ANKRD22: variants seen among roughly 807,000 people sequenced by gnomAD.
ANKRD22 encodes the protein ankyrin repeat domain-containing protein 22.
Under a neutral mutation model 25.7 loss-of-function variants are expected in ANKRD22, and 24 were observed. That is an observed-to-expected ratio of 0.93 (90% CI 0.68 to 1.31). The LOEUF (loss-of-function observed/expected upper bound fraction) is 1.31. Among genes scored for constraint, ANKRD22 ranks in the 50% most tolerant of loss-of-function variants. The probability of loss-of-function intolerance (pLI) is 0.00; values close to 1 mark genes in which losing one functional copy is unlikely to be tolerated. For synonymous variants in ANKRD22, 84 were observed against 84.3 expected, an observed-to-expected ratio of 1.00 and a Z score of 0.02; for missense variants, 214 against 227.1, an observed-to-expected ratio of 0.94 and a Z score of 0.37.
intron 1 of ANKRD22, among the ~76,000 whole-genome samples, chr10:88,834,333 AAG>A (rs1278503235): frequency 1.3e-5 from 2 of 152,272 alleles, no homozygotes; most frequent in African/African-American, 4.8e-5. Flanking sequence ...CAAAATATGT[AAG>A]AATATAATCA....
intron 3 of ANKRD22, among the ~76,000 whole-genome samples, chr10:88,828,084 G>A (rs996207392): frequency 6.6e-6 from 1 of 152,166 alleles, no homozygotes; most frequent in Non-Finnish European, 1.5e-5. Context: ...GTGAAAATGG[G>A]CTTAAATTCT....
At chr10:88,847,760 C>T (rs766336206) in intron 1 of ANKRD22, among the ~76,000 whole-genome samples, 13 of 150,270 alleles carry the variant, frequency 8.7e-5, no homozygotes, top group Non-Finnish European at 1.5e-4. Context: ...AAAACAAAAA[C>T]AAAATAAAAA....
At chr10:88,824,137 A>G (rs1323896683) in intron 4 of ANKRD22, among the ~76,000 whole-genome samples, 1 of 152,242 alleles carries the variant, frequency 6.6e-6, no homozygotes, top group East Asian at 1.9e-4. Context: ...GGACACCTGC[A>G]AGATCAGTGC....
chr10:88,842,566 G>A (rs1844012219), intron 1 of ANKRD22, among the ~76,000 whole-genome samples: 1 of 151,952 alleles, frequency 6.6e-6, no homozygotes. Flanking sequence ...TAGGCTCTAG[G>A]GATACAGAGA....
chr10:88,843,125 A>G (rs1420351578), intron 1 of ANKRD22, among the ~76,000 whole-genome samples: 1 of 152,046 alleles, frequency 6.6e-6, no homozygotes, highest in East Asian at 1.9e-4. Context: ...ATCTTCATTT[A>G]CTTTTCTCAA....
rs550983076 is a variant in ANKRD22, at chr10:88,847,009, C to T, written c.21+4578G>A. On this transcript the variant is annotated intron_variant, in intron 1 of 5. Transcript: ENST00000371930. ...TTTATGCCAAAGAACTACGCATATT[C>T]GCAGTTCTTTTAAATTTTCAGTTCA... Among the ~76,000 whole-genome samples the T allele has an allele frequency of 1.4e-4, 22 of 152,176 alleles. No individual in the cohort carries two copies. The South Asian group carries it at 2.1e-3, about 14-fold the overall frequency.
chr10:88,826,296 C>A (rs1325819278), intron 3 of ANKRD22, among the ~76,000 whole-genome samples, 181 bp from the exon 4 acceptor site: 1 of 152,196 alleles, frequency 6.6e-6, no homozygotes, highest in East Asian at 1.9e-4. Context: ...AAGCCAGGTT[C>A]TCAGACTGTG....
intron 4 of ANKRD22, among the ~76,000 whole-genome samples, chr10:88,823,746 C>T (rs919038283): frequency 5.4e-4 from 76 of 140,524 alleles, no homozygotes; most frequent in African/African-American, 1.8e-3. Context: ...GAGAATGGCT[C>T]GAACCCGGGA....
In ANKRD22 at chr10:88,820,412, G is replaced by T. The variant is rs1276926130; in HGVS notation, c.*2529C>A. 6.4e-7 allele frequency: 1 copy of T among 1,552,140 alleles called. No individual in the cohort carries two copies. The highest frequency in any genetic ancestry group is 1.2e-5 in the South Asian group (1 of 84,048). On this transcript the variant is annotated 3_prime_UTR_variant, in exon 6 of 6. Coordinates refer to ENST00000371930, the MANE Select transcript of ANKRD22 (RefSeq NM_144590.3). ...CGTGGATTTCATCTGGGGTTTGGATGCTCCTCACCGTATGTACAATGAAAT... is the reference window on the plus strand; with the variant it reads ...CGTGGATTTCATCTGGGGTTTGGATTCTCCTCACCGTATGTACAATGAAAT...
Position 88,822,854 on chromosome 10 carries a change from TA to T in ANKRD22, c.*86del, listed in dbSNP as rs1194928658. ...CCCCATAAAATGGTGGCATCCAGGT[TA>T]AATGGCCCACAGACCAAAAGTCTAA... On this transcript the variant is annotated 3_prime_UTR_variant, in exon 6 of 6. Coordinates refer to ENST00000371930, the MANE Select transcript of ANKRD22 (RefSeq NM_144590.3). The T allele has an allele frequency of 1.6e-6, 2 of 1,236,460 alleles. No homozygotes were observed. The highest frequency in any genetic ancestry group is 2.3e-6 in the Non-Finnish European group (2 of 857,162). The allele number at this position is 1,236,460 out of a possible 1,614,324, so 76.6% of individuals were successfully genotyped here.
chr10:88,828,803 G>A, intron 2 of ANKRD22, 137 bp from the exon 3 acceptor site: 1 of 639,112 alleles, frequency 1.6e-6, no homozygotes, highest in Non-Finnish European at 2.7e-6. Context: ...GGATACATCT[G>A]ATTACTGAAT....
intron 1 of ANKRD22, among the ~76,000 whole-genome samples, chr10:88,849,387 T>G (rs1844083202): frequency 6.6e-6 from 1 of 152,144 alleles, no homozygotes; most frequent in South Asian, 2.1e-4. Context: ...ACCAGAGTGG[T>G]TAAGACCAAT....
At chr10:88,833,054 T>C (rs1375449364) in intron 1 of ANKRD22, among the ~76,000 whole-genome samples, 4 of 152,218 alleles carry the variant, frequency 2.6e-5, no homozygotes, top group African/African-American at 4.8e-5. Flanking sequence ...GCAACTGACA[T>C]ACTGTAATTC....
rs1844108526 is a variant in ANKRD22 at position 88,851,830 on chromosome 10, A to T, written c.-223T>A. On this transcript the variant is annotated 5_prime_UTR_variant, in exon 1 of 6. Transcript: ENST00000371930. ...GAGCCCAGCCCAATGAAACAAAGGC[A>T]CTGGTGTCATGTGTAACGACCCAAG... 1.8e-6 allele frequency: 1 copy of T among 564,084 alleles called. No homozygotes were observed. The highest frequency in any genetic ancestry group is 3.2e-6 in the Non-Finnish European group (1 of 312,652). 34.9% of individuals were successfully genotyped at this position (564,084 alleles called of 1,614,324 possible).
At chr10:88,833,776 A>C (rs1843928310) in intron 1 of ANKRD22, among the ~76,000 whole-genome samples, 1 of 152,214 alleles carries the variant, frequency 6.6e-6, no homozygotes, top group Non-Finnish European at 1.5e-5. Flanking sequence ...CAAATCACCT[A>C]TTCTGTTATC....
At position 88,820,250 on chromosome 10, in the gene ANKRD22, A is replaced by G; in HGVS notation, c.*2691T>C. The G allele has an allele frequency of 1.3e-6, 2 of 1,551,544 alleles. No homozygotes were observed. Among genetic ancestry groups the G allele is most frequent in the East Asian group, 2.4e-5 (1 of 40,924 alleles). On this transcript the variant is annotated 3_prime_UTR_variant, in exon 6 of 6. Coordinates refer to ENST00000371930, the MANE Select transcript of ANKRD22 (RefSeq NM_144590.3). ...TCTCTAGCCAACTCCTGTAAGGTAC[A>G]GAGTCAGAGATATGACGGTCCCTAC...
At chr10:88,844,963 G>A (rs748072535) in intron 1 of ANKRD22, among the ~76,000 whole-genome samples, 4 of 151,980 alleles carry the variant, frequency 2.6e-5, no homozygotes, top group Non-Finnish European at 5.9e-5. Context: ...TCAACAGCTG[G>A]CTTCTTAGCT....
At chr10:88,844,854 A>C (rs566278669) in intron 1 of ANKRD22, among the ~76,000 whole-genome samples, 1 of 152,208 alleles carries the variant, frequency 6.6e-6, no homozygotes, top group South Asian at 2.1e-4. Context: ...AAAATGACTT[A>C]TTTTTCCCCT....
intron 3 of ANKRD22, among the ~76,000 whole-genome samples, chr10:88,827,327 G>A (rs1022499017): frequency 4.6e-5 from 7 of 152,028 alleles, no homozygotes; most frequent in East Asian, 1.9e-4. Context: ...TAAATTGCAC[G>A]TGCATGAAAC....
Sources: gnomAD v4.1 joint callset for allele counts (sites outside exome capture counted in the v4.1 genomes callset) on GRCh38, gnomAD v4.1.1 for gene constraint, MANE v1.5 for transcripts, NCBI Gene and HGNC (gene_info 2026-07-23, HGNC 2026-07-21) for gene names.